SSH2: variants seen among roughly 807,000 people sequenced by gnomAD.
The protein encoded by SSH2 is protein phosphatase Slingshot homolog 2.
SSH2 carries 37 observed loss-of-function variants against 135.2 expected under a neutral mutation model. The observed-to-expected ratio is 0.27, with a 90% CI of 0.21 to 0.36. The LOEUF (loss-of-function observed/expected upper bound fraction) is 0.36, where lower values mean the gene tolerates loss of function less well. SSH2 is among the 10% of genes least tolerant of loss of function. The pLI is 1.00. For synonymous variants in SSH2, 628 were observed against 646.2 expected, an observed-to-expected ratio of 0.97 and a Z score of 0.43; for missense variants, 1,408 against 1,765.3, an observed-to-expected ratio of 0.80 and a Z score of 3.63.
chr17:29,736,405 A>G (rs762503794), intron 3 of SSH2, among the ~76,000 whole-genome samples: 4 of 152,180 alleles, frequency 2.6e-5, no homozygotes, highest in Non-Finnish European at 4.4e-5. Context: ...CAAGGAAATG[A>G]TTAGATTTAG....
chr17:29,852,728 T>C (rs1488407840), intron 1 of SSH2, among the ~76,000 whole-genome samples: 2 of 151,718 alleles, frequency 1.3e-5, no homozygotes, highest in Non-Finnish European at 2.9e-5. Flanking sequence ...TTTTTTGTAT[T>C]TTTAGTAGAG....
chr17:29,761,533 C>T (rs1042531725), intron 3 of SSH2: 1 of 664,612 alleles, frequency 1.5e-6, no homozygotes, highest in African/African-American at 2.0e-5. Context: ...CGCCCCAGAT[C>T]TCGGGACGCC....
chr17:29,773,945 C>T (rs1438087273), intron 3 of SSH2, among the ~76,000 whole-genome samples: 4 of 152,224 alleles, frequency 2.6e-5, no homozygotes, highest in African/African-American at 9.6e-5. Context: ...GTTGGGATTA[C>T]AGGCGTGAGC....
At chr17:29,797,221 T>C (rs560247799) in intron 2 of SSH2, among the ~76,000 whole-genome samples, 1 of 152,272 alleles carries the variant, frequency 6.6e-6, no homozygotes, top group South Asian at 2.1e-4. Flanking sequence ...GTCTACGTAA[T>C]TCAAACTGCT....
At chr17:29,699,117 T>G (rs559923274) in intron 4 of SSH2, among the ~76,000 whole-genome samples, 1 of 152,312 alleles carries the variant, frequency 6.6e-6, no homozygotes, top group Non-Finnish European at 1.5e-5. Flanking sequence ...GGCAATATAT[T>G]GATATAGCAT....
chr17:29,755,781 C>T (rs1161140847), intron 3 of SSH2, among the ~76,000 whole-genome samples: 2 of 150,860 alleles, frequency 1.3e-5, no homozygotes, highest in African/African-American at 2.4e-5. Flanking sequence ...CCTGCCTCAG[C>T]CTGCTGAGTG....
At chr17:29,683,780 A>T (rs2038087282) in intron 6 of SSH2, among the ~76,000 whole-genome samples, 1 of 151,912 alleles carries the variant, frequency 6.6e-6, no homozygotes, top group African/African-American at 2.4e-5. Context: ...AAGGAAAAAA[A>T]AAAAAAAAAG....
At chr17:29,724,581 C>CTTTT (rs560435177) in intron 3 of SSH2, among the ~76,000 whole-genome samples, 1 of 76,550 alleles carries the variant, frequency 1.3e-5, no homozygotes, top group South Asian at 5.1e-4. Context: ...ATTACCAAAT[C>CTTTT]TTTTTTTTTT....
At chr17:29,722,342 A>G (rs551368965) in intron 3 of SSH2, among the ~76,000 whole-genome samples, 53 of 152,120 alleles carry the variant, frequency 3.5e-4, no homozygotes, top group Middle Eastern at 6.8e-3. Flanking sequence ...AATCCTTCAC[A>G]CATGTTATAT....
chr17:29,805,566 C>T (rs779334609), intron 2 of SSH2, among the ~76,000 whole-genome samples: 7 of 152,110 alleles, frequency 4.6e-5, no homozygotes, highest in Non-Finnish European at 7.3e-5. Flanking sequence ...TTGTGAGACA[C>T]GTCGGTAGCC....
intron 14 of SSH2, 175 bp downstream of exon 14, chr17:29,647,969 T>C: frequency 1.5e-6 from 1 of 658,894 alleles, no homozygotes; most frequent in Middle Eastern, 4.3e-4. Flanking sequence ...GGCCAGCCCA[T>C]GCAAATCTTA....
intron 9 of SSH2, among the ~76,000 whole-genome samples, chr17:29,667,443 A>G (rs776466729): frequency 4.6e-5 from 7 of 152,216 alleles, no homozygotes; most frequent in Non-Finnish European, 8.8e-5. Context: ...GCAGCGGGCA[A>G]GCATTACTGC....
intron 1 of SSH2, among the ~76,000 whole-genome samples, chr17:29,886,439 A>C (rs908234855): frequency 6.6e-6 from 1 of 151,976 alleles, no homozygotes; most frequent in Admixed American, 6.6e-5. Flanking sequence ...GTTCAAGAAG[A>C]AGCAGCGCAT....
chr17:29,763,677 T>C (rs968328964), intron 3 of SSH2, among the ~76,000 whole-genome samples: 2 of 152,136 alleles, frequency 1.3e-5, no homozygotes, highest in Admixed American at 1.3e-4. Context: ...TATTATTCAA[T>C]TCATACTTAA....
intron 3 of SSH2, among the ~76,000 whole-genome samples, chr17:29,772,457 A>G (rs1004159750): frequency 6.6e-6 from 1 of 151,924 alleles, no homozygotes; most frequent in Non-Finnish European, 1.5e-5. Flanking sequence ...GTGTTAGCCA[A>G]AAATCAGGTC....
intron 1 of SSH2, among the ~76,000 whole-genome samples, chr17:29,910,212 G>A (rs1211799687): frequency 2.6e-5 from 4 of 152,064 alleles, no homozygotes; most frequent in Non-Finnish European, 5.9e-5. Context: ...GCCTCCTAAA[G>A]TGCTGGGATT....
chr17:29,912,484 C>T (rs8069669), intron 1 of SSH2, among the ~76,000 whole-genome samples: 84,813 of 151,908 alleles, frequency 0.56, 24,047 homozygotes, highest in East Asian at 0.69. Context: ...TTCAGCACTT[C>T]GAGAGCCTGA....
At chr17:29,881,339 A>G (rs1412882346) in intron 1 of SSH2, among the ~76,000 whole-genome samples, 2 of 152,232 alleles carry the variant, frequency 1.3e-5, no homozygotes, top group Non-Finnish European at 2.9e-5. Flanking sequence ...ACCAAAGAAC[A>G]GTAGGATAGT....
rs145852581 is a variant in SSH2, at chr17:29,709,033, G to A, written c.189-5971C>T. Among the ~76,000 whole-genome samples the A allele has an allele frequency of 2.9e-3, 422 of 145,568 alleles. 5 individuals are homozygous for A. The highest frequency in any genetic ancestry group is 0.01 in the African/African-American group (400 of 39,258). ...ATATATATAGAGAGAGAGAGAGAGA[G>A]AGAGAGAGAGAGAGAGAGAGCTAAT... On this transcript the variant is annotated intron_variant, in intron 3 of 15. Transcript: ENST00000540801.
Sources: allele counts gnomAD v4.1 joint callset (sites outside exome capture counted in the v4.1 genomes callset), GRCh38; gene constraint gnomAD v4.1.1; transcripts MANE v1.5; gene names NCBI Gene and HGNC (gene_info 2026-07-23, HGNC 2026-07-21).